The following KCNQ5 variants were observed in gnomAD, a reference collection of about 807,000 sequenced individuals.
The protein encoded by KCNQ5 is potassium voltage-gated channel subfamily Q member 5.
A neutral mutation model predicts 98.2 loss-of-function variants in KCNQ5; 30 were observed. The observed-to-expected ratio is 0.31, with a 90% CI of 0.23 to 0.41. The LOEUF (loss-of-function observed/expected upper bound fraction) is 0.41. Among genes scored for constraint, KCNQ5 ranks in the 10% least tolerant of loss-of-function variants. KCNQ5 has a pLI of 1.00. For synonymous variants in KCNQ5, 458 were observed against 449.4 expected (o/e 1.02, Z -0.24); for missense variants, 835 against 1,182.5 (o/e 0.71, Z 4.31).
rs533628578 is a variant in KCNQ5 at position 73,068,094 on chromosome 6, G to A, written c.617-9228G>A. 2.0e-5 allele frequency among the ~76,000 whole-genome samples: 3 copies of A among 152,178 alleles called. No homozygotes were observed. In the South Asian group the frequency reaches 6.2e-4, roughly 32 times the overall value. ...GTGGATCACTTGAGGTCAGGAGTTCGATACCAGCTCGACCAACATGGTGAA... is the reference window on the plus strand; with the variant it reads ...GTGGATCACTTGAGGTCAGGAGTTCAATACCAGCTCGACCAACATGGTGAA... On this transcript the variant is annotated intron_variant, in intron 3 of 13. Transcript: ENST00000370398.
intron 1 of KCNQ5, among the ~76,000 whole-genome samples, chr6:72,982,006 T>G (rs534197411): frequency 1.3e-5 from 2 of 152,370 alleles, no homozygotes; most frequent in Middle Eastern, 3.4e-3. Flanking sequence ...TTGATTGCAC[T>G]GTGGTCTAAG....
intron 1 of KCNQ5, among the ~76,000 whole-genome samples, chr6:72,978,334 T>A (rs1768256240): frequency 6.6e-6 from 1 of 152,234 alleles, no homozygotes; most frequent in African/African-American, 2.4e-5. Context: ...AAATTGTAGA[T>A]CTTATTCCAT....
intron 1 of KCNQ5, among the ~76,000 whole-genome samples, chr6:72,964,080 T>C (rs1394496960): frequency 1.3e-5 from 2 of 152,226 alleles, no homozygotes; most frequent in African/African-American, 4.8e-5. Flanking sequence ...TAAAAATGAA[T>C]ATTTACTTAA....
chr6:72,954,619 T>C, intron 1 of KCNQ5, among the ~76,000 whole-genome samples: 1 of 152,206 alleles, frequency 6.6e-6, no homozygotes, highest in South Asian at 2.1e-4. Flanking sequence ...GTCTTGCTAA[T>C]CTATCTCACT....
At chr6:72,732,144 A>G (rs1770587614) in intron 1 of KCNQ5, among the ~76,000 whole-genome samples, 1 of 152,210 alleles carries the variant, frequency 6.6e-6, no homozygotes, top group Admixed American at 6.5e-5. Context: ...CACAAAGATG[A>G]TTAAGACATA....
At chr6:72,921,580 A>T (rs1780402856) in intron 1 of KCNQ5, among the ~76,000 whole-genome samples, 1 of 152,154 alleles carries the variant, frequency 6.6e-6, no homozygotes, top group Non-Finnish European at 1.5e-5. Context: ...TGCATGAGAG[A>T]TTCTCTTTGA....
chr6:72,836,509 GCTCA>G lies in KCNQ5; in HGVS notation c.399-167396_399-167393del, dbSNP rs886263926. Among the ~76,000 whole-genome samples the G allele has an allele frequency of 9.6e-4, 146 of 152,142 alleles. No homozygotes were observed. The Middle Eastern group carries it at 0.01, about 11-fold the overall frequency. On this transcript the variant is annotated intron_variant, in intron 1 of 13. Transcript: ENST00000370398. ...CTCATCATACAGTGGCATGATTGTA[GCTCA>G]CTGCAGGCTCAAATTCCTGAGCTCA...
chr6:72,843,355 T>C (rs1184720372), intron 1 of KCNQ5, among the ~76,000 whole-genome samples: 2 of 152,176 alleles, frequency 1.3e-5, no homozygotes, highest in Admixed American at 6.5e-5. Flanking sequence ...TCTGTTTTGG[T>C]ATCAGTACCA....
intron 11 of KCNQ5, among the ~76,000 whole-genome samples, chr6:73,176,264 T>C (rs1778210893): frequency 6.6e-6 from 1 of 152,186 alleles, no homozygotes; most frequent in Non-Finnish European, 1.5e-5. Flanking sequence ...GTTCTCATAA[T>C]AGCAAGTGAG....
At position 72,830,237 on chromosome 6, in the gene KCNQ5, A is replaced by C. The variant is rs1403784407; in HGVS notation, c.399-173671A>C. ...TCACAGAATTGGAAAAAACTACTTT[A>C]AAGTTCATATGGAACCAAAAAAGAG... On this transcript the variant is annotated intron_variant, in intron 1 of 13. Coordinates refer to ENST00000370398, the MANE Select transcript of KCNQ5 (RefSeq NM_019842.4). 2.0e-5 allele frequency among the ~76,000 whole-genome samples: 3 copies of C among 152,296 alleles called. No individual in the cohort carries two copies. The East Asian group carries it at 5.8e-4, about 29-fold the overall frequency.
chr6:72,653,306 C>T (rs1433469441), intron 1 of KCNQ5, among the ~76,000 whole-genome samples: 1 of 151,896 alleles, frequency 6.6e-6, no homozygotes, highest in Non-Finnish European at 1.5e-5. Flanking sequence ...CAAGTTTTGG[C>T]TTTAAAGATC....
At chr6:72,925,901 C>T (rs1036583381) in intron 1 of KCNQ5, among the ~76,000 whole-genome samples, 4 of 152,170 alleles carry the variant, frequency 2.6e-5, no homozygotes, top group Admixed American at 1.3e-4. Flanking sequence ...AAAGGCTTTG[C>T]ATTTTATATG....
At chr6:72,789,346 T>C (rs1316301100) in intron 1 of KCNQ5, among the ~76,000 whole-genome samples, 4 of 152,112 alleles carry the variant, frequency 2.6e-5, no homozygotes, top group Non-Finnish European at 4.4e-5. Flanking sequence ...GTTTAACATA[T>C]GAGATGAAAT....
chr6:73,056,919 G>C (rs1185447896), intron 3 of KCNQ5, among the ~76,000 whole-genome samples: 1 of 152,132 alleles, frequency 6.6e-6, no homozygotes, highest in Non-Finnish European at 1.5e-5. Flanking sequence ...AGACAGTGTG[G>C]TGATTCCTTA....
intron 1 of KCNQ5, among the ~76,000 whole-genome samples, chr6:72,772,183 C>G (rs1469699536): frequency 6.6e-6 from 1 of 152,088 alleles, no homozygotes; most frequent in Admixed American, 6.6e-5. Context: ...AGTGCAGTTA[C>G]AATTTTAAGG....
intron 1 of KCNQ5, among the ~76,000 whole-genome samples, chr6:72,823,990 C>A (rs1280302980): frequency 6.6e-6 from 1 of 152,044 alleles, no homozygotes; most frequent in East Asian, 1.9e-4. Flanking sequence ...TTGTTAGATT[C>A]ATTTTAATGT....
chr6:73,149,784 G>C (rs1208749247), intron 10 of KCNQ5, among the ~76,000 whole-genome samples: 1 of 143,582 alleles, frequency 7.0e-6, no homozygotes. Context: ...GCGACAGTGG[G>C]AGACTCCGAA....
chr6:72,996,487 A>G (rs2150315573), intron 1 of KCNQ5, among the ~76,000 whole-genome samples: 1 of 152,200 alleles, frequency 6.6e-6, no homozygotes, highest in African/African-American at 2.4e-5. Flanking sequence ...AATGCTTTTT[A>G]CTCCTAGTTA....
At chr6:72,771,375 A>G (rs1440165105) in intron 1 of KCNQ5, among the ~76,000 whole-genome samples, 1 of 152,204 alleles carries the variant, frequency 6.6e-6, no homozygotes, top group Non-Finnish European at 1.5e-5. Context: ...TGTTCAACCT[A>G]TTAGGCAACC....
Sources: allele counts gnomAD v4.1 joint callset (sites outside exome capture counted in the v4.1 genomes callset), GRCh38; gene constraint gnomAD v4.1.1; transcripts MANE v1.5; gene names NCBI Gene and HGNC (gene_info 2026-07-23, HGNC 2026-07-21).